The following TJP2 variants were observed in gnomAD, a reference collection of about 807,000 sequenced individuals.
The protein encoded by TJP2 is tight junction protein 2, also known as Friedreich ataxia region gene X104 (tight junction protein ZO-2).
Under a neutral mutation model 133.1 loss-of-function variants are expected in TJP2, and 91 were observed. That is an observed-to-expected ratio of 0.68 (90% CI 0.58 to 0.81). The LOEUF (loss-of-function observed/expected upper bound fraction) is 0.81, where lower values mean the gene tolerates loss of function less well. Among genes scored for constraint, TJP2 ranks in the 40% least tolerant of loss-of-function variants. The probability of loss-of-function intolerance (pLI) is 0.00; values close to 1 mark genes in which losing one functional copy is unlikely to be tolerated. For missense variants in TJP2, 1,541 were observed against 1,565.6 expected (o/e 0.98, Z 0.26); for synonymous variants, 592 against 583.4 (o/e 1.01, Z -0.21).
At chr9:69,150,703 G>C (rs1183445597) in intron 1 of TJP2, among the ~76,000 whole-genome samples, 4 of 152,188 alleles carry the variant, frequency 2.6e-5, no homozygotes, top group African/African-American at 4.8e-5. Context: ...AGGTGGACTG[G>C]TGATACCAAA....
chr9:69,177,369 A>C (rs980213594), intron 1 of TJP2, among the ~76,000 whole-genome samples: 1 of 152,200 alleles, frequency 6.6e-6, no homozygotes, highest in Non-Finnish European at 1.5e-5. Flanking sequence ...CTCAGAGGTT[A>C]GATTTAACAC....
chr9:69,146,715 T>C (rs775671920), intron 1 of TJP2, among the ~76,000 whole-genome samples: 4 of 71,488 alleles, frequency 5.6e-5, no homozygotes, highest in Non-Finnish European at 1.1e-4. Context: ...CAGGGGACAA[T>C]TGTCAATGTC....
At chr9:69,217,495 G>A (rs956452999) in intron 3 of TJP2, among the ~76,000 whole-genome samples, 1 of 152,098 alleles carries the variant, frequency 6.6e-6, no homozygotes, top group African/African-American at 2.4e-5. Flanking sequence ...AACGCTTGAG[G>A]CCAGGTGTTC....
At position 69,240,099 on chromosome 9, in the gene TJP2, T is replaced by C. The variant is rs777044397; in HGVS notation, c.2518T>C (p.Phe840Leu). The C allele has an allele frequency of 3.7e-6, 6 of 1,614,108 alleles. No homozygotes were observed. Among genetic ancestry groups the C allele is most frequent in the East Asian group, 4.5e-5 (2 of 44,868 alleles). The change falls in exon 17 of 23, where the codon TTT becomes CTT. Residue 840 changes from phenylalanine (F) to leucine (L), a missense_variant. Transcript: ENST00000377245. ...PTSNKSSRKL[F>L]DQANKLKKTC... ...GTCCAACAAAAGTTCTCGAAAGTTA[T>C]TTGATCAAGCCAACAAGCTTAAAAA...
intron 5 of TJP2, among the ~76,000 whole-genome samples, chr9:69,222,460 C>T (rs960584589): frequency 6.6e-6 from 1 of 152,184 alleles, no homozygotes; most frequent in Admixed American, 6.5e-5. Flanking sequence ...GCCACCGCAT[C>T]TGGCCGAGCT....
chr9:69,212,335 T>C (rs1827982271), intron 1 of TJP2, among the ~76,000 whole-genome samples: 1 of 152,244 alleles, frequency 6.6e-6, no homozygotes, highest in Non-Finnish European at 1.5e-5. Context: ...TCTCACTATG[T>C]ATTTCACTTA....
chr9:69,136,365 T>A (rs1822731531), intron 1 of TJP2, among the ~76,000 whole-genome samples: 1 of 151,882 alleles, frequency 6.6e-6, no homozygotes, highest in Non-Finnish European at 1.5e-5. Context: ...CTGAAAAAAA[T>A]GAATAAATAA....
chr9:69,238,055 C>T lies in TJP2; in HGVS notation c.2275+82C>T, dbSNP rs73450891. 4.0e-4 allele frequency: 369 copies of T among 930,076 alleles called. 4 individuals carry two copies. In the African/African-American group the frequency reaches 5.5e-3, roughly 14 times the overall value. The allele number at this position is 930,076 out of a possible 1,614,324, so 57.6% of individuals were successfully genotyped here. On this transcript the variant is annotated intron_variant, in intron 15 of 22. Coordinates refer to ENST00000377245, the MANE Select transcript of TJP2 (RefSeq NM_004817.4). Reference sequence around the variant, plus strand: ...AGAGGAGTTGGAAGAATCATGAACACCCACGTACCCTTCACCTGGAATCAC... The same window carrying T: ...AGAGGAGTTGGAAGAATCATGAACATCCACGTACCCTTCACCTGGAATCAC...
intron 2 of TJP2, among the ~76,000 whole-genome samples, chr9:69,166,663 C>T (rs946167644): frequency 7.3e-5 from 11 of 150,994 alleles, no homozygotes; most frequent in Admixed American, 4.6e-4. Context: ...TTAGTAGAGA[C>T]GGGGTTTCAC....
intron 1 of TJP2, among the ~76,000 whole-genome samples, chr9:69,136,144 T>C (rs1723618682): frequency 6.6e-6 from 1 of 152,178 alleles, no homozygotes; most frequent in South Asian, 2.1e-4. Context: ...CTTGTAACTG[T>C]GGTCCATAGA....
chr9:69,193,050 G>T (rs548459634), intron 1 of TJP2, among the ~76,000 whole-genome samples: 3 of 151,644 alleles, frequency 2.0e-5, no homozygotes, highest in Non-Finnish European at 2.9e-5. Flanking sequence ...TGAGTAGCTG[G>T]CACTACAGGC....
intron 2 of TJP2, among the ~76,000 whole-genome samples, chr9:69,215,390 G>GTT (rs547985228): frequency 0.077 from 11,488 of 149,396 alleles, 544 homozygotes; most frequent in Non-Finnish European, 0.11. Context: ...GAAAGTTGTG[G>GTT]TTTTTTTTTT....
At chr9:69,171,789 ATTTT>A (rs34717893), upstream of TJP2, among the ~76,000 whole-genome samples, 24 of 86,756 alleles carry the variant, frequency 2.8e-4, no homozygotes, top group Middle Eastern at 0.01. Context: ...GAGTAGAAGA[ATTTT>A]TTTTTTTTTT....
At chr9:69,172,155 C>T (rs10869961), upstream of TJP2, among the ~76,000 whole-genome samples, 70,946 of 152,016 alleles carry the variant, frequency 0.47, 16,695 homozygotes, top group East Asian at 0.63. Flanking sequence ...CAAACCCACA[C>T]GTGAAGAAGA....
chr9:69,248,433 AGGGGTCAG>A, intron 19 of TJP2: 1 of 1,425,000 alleles, frequency 7.0e-7, no homozygotes, highest in Non-Finnish European at 9.2e-7. Context: ...GAAGAGCTTG[AGGGGTCAG>A]CACTCCGCAC....
intron 1 of TJP2, among the ~76,000 whole-genome samples, chr9:69,196,449 A>G (rs566856705): frequency 1.3e-5 from 2 of 152,190 alleles, no homozygotes; most frequent in Admixed American, 6.5e-5. Flanking sequence ...TCTCACAACA[A>G]CCTTAGAGAG....
chr9:69,228,899 CAG>C (rs1829551544), intron 9 of TJP2, among the ~76,000 whole-genome samples: 1 of 152,104 alleles, frequency 6.6e-6, no homozygotes, highest in Non-Finnish European at 1.5e-5. Flanking sequence ...TAAGGGGAAA[CAG>C]TATCATTATT....
intron 1 of TJP2, among the ~76,000 whole-genome samples, chr9:69,186,177 GA>G (rs1399220548): frequency 6.6e-6 from 1 of 152,148 alleles, no homozygotes; most frequent in African/African-American, 2.4e-5. Context: ...TTTAGAATGT[GA>G]ATTTTTTCCT....
chr9:69,253,387 T>G (rs1831480153), intron 22 of TJP2: 1 of 159,624 alleles, frequency 6.3e-6, no homozygotes, highest in African/African-American at 2.4e-5. Context: ...TGTCTTCCTG[T>G]TGAAGTTTTA....
Sources: allele counts gnomAD v4.1 joint callset (sites outside exome capture counted in the v4.1 genomes callset), GRCh38; gene constraint gnomAD v4.1.1; transcripts MANE v1.5; gene names NCBI Gene and HGNC (gene_info 2026-07-23, HGNC 2026-07-21).